PIK3C2G: variants seen among roughly 807,000 people sequenced by gnomAD.
The protein encoded by PIK3C2G is phosphatidylinositol 3-kinase C2 domain-containing subunit gamma.
In PIK3C2G, 168 loss-of-function variants were observed where a neutral mutation model predicts 181.1. That is an observed-to-expected ratio of 0.93 (90% CI 0.82 to 1.05). The LOEUF is 1.05. PIK3C2G is among the 50% of genes least tolerant of loss of function. The pLI is 0.00. For synonymous variants in PIK3C2G, 573 were observed against 592.2 expected (o/e 0.97, Z 0.47); for missense variants, 1,869 against 1,732.8 (o/e 1.08, Z -1.40).
intron 1 of PIK3C2G, among the ~76,000 whole-genome samples, chr12:18,262,332 T>A (rs1203013300): frequency 2.0e-5 from 3 of 152,112 alleles, no homozygotes; most frequent in African/African-American, 7.2e-5. Flanking sequence ...TACATAGTGA[T>A]CTCCTTTTTA....
chr12:18,571,393 T>G (rs1211535361), intron 29 of PIK3C2G, among the ~76,000 whole-genome samples: 1 of 150,782 alleles, frequency 6.6e-6, no homozygotes, highest in Admixed American at 6.6e-5. Flanking sequence ...TGTATATTAG[T>G]GCAAATTGTC....
At chr12:18,319,914 G>A (rs1008403367) in intron 6 of PIK3C2G, 6 of 152,182 alleles carry the variant, frequency 3.9e-5, no homozygotes, top group East Asian at 1.9e-4. Flanking sequence ...TCACATCTTC[G>A]TTTCTCAGTC....
chr12:18,465,173 C>T (rs547312566), intron 18 of PIK3C2G, among the ~76,000 whole-genome samples: 1 of 151,904 alleles, frequency 6.6e-6, no homozygotes, highest in African/African-American at 2.4e-5. Flanking sequence ...ATACAAAAAC[C>T]TTTTGGAAGT....
At chr12:18,612,558 T>C (rs970488785) in intron 31 of PIK3C2G, among the ~76,000 whole-genome samples, 1 of 152,136 alleles carries the variant, frequency 6.6e-6, no homozygotes, top group African/African-American at 2.4e-5. Flanking sequence ...AAGTTATGCA[T>C]TGCATTTTCC....
chr12:18,401,913 T>C (rs1944268878), intron 16 of PIK3C2G, among the ~76,000 whole-genome samples: 1 of 152,142 alleles, frequency 6.6e-6, no homozygotes, highest in East Asian at 1.9e-4. Flanking sequence ...GGAAACCTCA[T>C]TTACCTCTGG....
At chr12:18,677,389 T>C in the PIK3C2G span, among the ~76,000 whole-genome samples, 1 of 152,128 alleles carries the variant, frequency 6.6e-6, no homozygotes, top group Non-Finnish European at 1.5e-5. Context: ...TTTTCAGTCC[T>C]GACCACTGAT....
intron 31 of PIK3C2G, among the ~76,000 whole-genome samples, chr12:18,622,669 A>G (rs1208633935): frequency 1.3e-5 from 2 of 151,860 alleles, no homozygotes; most frequent in Non-Finnish European, 3.0e-5. Context: ...TTACATTCCC[A>G]CTGACAGTGA....
rs561185988 is a variant in PIK3C2G, at chr12:18,605,011, C to T, written c.4088-4524C>T. On this transcript the variant is annotated intron_variant, in intron 30 of 32. Coordinates refer to ENST00000538779, the MANE Select transcript of PIK3C2G (RefSeq NM_001288772.2). ...GAAACAAGAACAAGCCAAACCCACACTCAGCAGAAGACAGGAAATAACCAA... is the reference window on the plus strand; with the variant it reads ...GAAACAAGAACAAGCCAAACCCACATTCAGCAGAAGACAGGAAATAACCAA... 3.9e-5 allele frequency among the ~76,000 whole-genome samples: 6 copies of T among 152,150 alleles called. No individual in the cohort carries two copies. The East Asian group carries it at 1.2e-3, about 29-fold the overall frequency.
At chr12:18,713,834 T>C in the PIK3C2G span, 2 of 152,168 alleles carry the variant, frequency 1.3e-5, no homozygotes, top group Admixed American at 6.5e-5. Context: ...ACCTAAAAAA[T>C]AAATATTGGT....
At chr12:18,530,476 A>T (rs1341090188) in intron 24 of PIK3C2G, among the ~76,000 whole-genome samples, 1 of 152,060 alleles carries the variant, frequency 6.6e-6, no homozygotes, top group Non-Finnish European at 1.5e-5. Flanking sequence ...CGCCTTCACA[A>T]ATTTCCTGGA....
rs752637090 is a variant in PIK3C2G, at chr12:18,293,899, A to G, written c.920-2A>G. On this transcript the variant is annotated splice_acceptor_variant, in intron 4 of 32. Transcript: ENST00000538779. LOFTEE classifies it high-confidence loss of function. The stretch of plus-strand genomic sequence containing the variant: ...ACTTTTATTATTCCTCTTTTTCTTT[A>G]GCTAATTATCTTGTCAAAGATCTAA... 2.2e-6 allele frequency: 3 copies of G among 1,392,402 alleles called. No individual in the cohort carries two copies. The East Asian group carries it at 6.9e-5, about 32-fold the overall frequency. The allele number at this position is 1,392,402 out of a possible 1,614,324, so 86.3% of individuals were successfully genotyped here.
intron 31 of PIK3C2G, among the ~76,000 whole-genome samples, chr12:18,630,942 G>A (rs1949325618): frequency 1.3e-5 from 2 of 151,994 alleles, no homozygotes; most frequent in South Asian, 4.1e-4. Context: ...TCATTCTTCA[G>A]GGGAGTGTTA....
At chr12:18,392,044 C>T (rs968105970) in intron 15 of PIK3C2G, among the ~76,000 whole-genome samples, 6 of 151,930 alleles carry the variant, frequency 3.9e-5, no homozygotes, top group Non-Finnish European at 8.8e-5. Context: ...TTGGAGTGGA[C>T]GTGACAGTAG....
chr12:18,333,792 A>G (rs1466526655), intron 8 of PIK3C2G, among the ~76,000 whole-genome samples: 1 of 152,218 alleles, frequency 6.6e-6, no homozygotes, highest in Admixed American at 6.5e-5. Context: ...TGTGTCTAAT[A>G]TAAATAGAAA....
At chr12:18,569,135 T>G (rs1945793072) in intron 29 of PIK3C2G, among the ~76,000 whole-genome samples, 1 of 152,106 alleles carries the variant, frequency 6.6e-6, no homozygotes, top group Non-Finnish European at 1.5e-5. Flanking sequence ...ACTTCCAAGA[T>G]AGGTTAGAAA....
chr12:18,273,728 C>G, intron 1 of PIK3C2G, among the ~76,000 whole-genome samples: 1 of 152,130 alleles, frequency 6.6e-6, no homozygotes, highest in East Asian at 1.9e-4. Context: ...CAATACCATT[C>G]AGGACATAGC....
chr12:18,317,471 C>T (rs1950919434), intron 6 of PIK3C2G, among the ~76,000 whole-genome samples: 1 of 152,060 alleles, frequency 6.6e-6, no homozygotes, highest in South Asian at 2.1e-4. Flanking sequence ...ACAAATAAAA[C>T]TTGTTACATG....
chr12:18,604,096 C>A (rs1947882833), intron 30 of PIK3C2G, among the ~76,000 whole-genome samples: 1 of 152,136 alleles, frequency 6.6e-6, no homozygotes, highest in African/African-American at 2.4e-5. Context: ...TTAAAAGATA[C>A]AGAACCACAG....
At chr12:18,589,891 A>G (rs1158839532) in intron 29 of PIK3C2G, among the ~76,000 whole-genome samples, 1 of 151,914 alleles carries the variant, frequency 6.6e-6, no homozygotes, top group East Asian at 1.9e-4. Flanking sequence ...GCCTTAAGCT[A>G]GAAGAGGAAT....
Sources: gnomAD v4.1 joint callset for allele counts (sites outside exome capture counted in the v4.1 genomes callset) on GRCh38, gnomAD v4.1.1 for gene constraint, MANE v1.5 for transcripts, NCBI Gene and HGNC (gene_info 2026-07-23, HGNC 2026-07-21) for gene names.